NUMA1: variants seen among roughly 807,000 people sequenced by gnomAD.
The protein encoded by NUMA1 is nuclear mitotic apparatus protein 1.
In NUMA1, 62 loss-of-function variants were observed where a neutral mutation model predicts 237.1. The ratio of observed to expected loss-of-function variants is 0.26; its 90% CI spans 0.21 to 0.32. The LOEUF (loss-of-function observed/expected upper bound fraction) is 0.32, where lower values mean the gene tolerates loss of function less well. NUMA1 is among the 10% of genes least tolerant of loss of function. The pLI is 1.00. For missense variants in NUMA1, 2,533 were observed against 2,666.5 expected, an observed-to-expected ratio of 0.95 and a Z score of 1.10; for synonymous variants, 1,028 against 1,066.1, an observed-to-expected ratio of 0.96 and a Z score of 0.70.
chr11:72,049,560 A>AAATATATATATAT (rs1555034474), intron 2 of NUMA1: 3 of 41,002 alleles, frequency 7.3e-5, no homozygotes, highest in African/African-American at 2.5e-4. Context: ...AAATAATAAT[A>AAATATATATATAT]ATATATATAT....
intron 2 of NUMA1, among the ~76,000 whole-genome samples, chr11:72,048,128 G>A (rs1942104596): frequency 6.6e-6 from 1 of 151,924 alleles, no homozygotes; most frequent in South Asian, 2.1e-4. Flanking sequence ...ATGGAGTCTC[G>A]CTCTGTCGCC....
At chr11:72,006,715 C>A (rs1565189718) in intron 21 of NUMA1, among the ~76,000 whole-genome samples, 1 of 152,210 alleles carries the variant, frequency 6.6e-6, no homozygotes, top group Non-Finnish European at 1.5e-5. Flanking sequence ...TCCCCAACTT[C>A]TTGGTAGCAG....
At chr11:72,004,874 CTGGGGCTG>C in intron 23 of NUMA1, 58 bp from the exon 24 acceptor site, 1 of 1,479,474 alleles carries the variant, frequency 6.8e-7, no homozygotes, top group Non-Finnish European at 9.0e-7. Flanking sequence ...GGAGGAGGAC[CTGGGGCTG>C]TCCCAGAACT....
Position 72,076,283 on chromosome 11 carries a change from C to T in NUMA1, c.-103+4175G>A, listed in dbSNP as rs749022912. Among the ~76,000 whole-genome samples, 8 of 151,600 alleles carry T rather than the reference C, an allele frequency of 5.3e-5. No homozygotes were observed. In the East Asian group the frequency reaches 7.7e-4, roughly 15 times the overall value. On this transcript the variant is annotated intron_variant, in intron 1 of 26. Transcript: ENST00000393695. Reference sequence around the variant, plus strand: ...CAGCTACTTGGGAGGCTGAGGTGGGCGGACTGCTTGAGCCCAGGAGGCAGA... The same window carrying T: ...CAGCTACTTGGGAGGCTGAGGTGGGTGGACTGCTTGAGCCCAGGAGGCAGA...
chr11:72,016,222 T>C lies in NUMA1; in HGVS notation c.1281A>G (p.Ala427=). 6.2e-7 allele frequency: 1 copy of C among 1,603,244 alleles called. No individual in the cohort carries two copies. Among genetic ancestry groups the C allele is most frequent in the Non-Finnish European group, 8.5e-7 (1 of 1,171,588 alleles). ...CCCTGGCTTGGAGCTGTGTGTTGTTTGCAGCAAGAGTGGCTGCCTCTTGCT... is the reference window on the plus strand; with the variant it reads ...CCCTGGCTTGGAGCTGTGTGTTGTTCGCAGCAAGAGTGGCTGCCTCTTGCT... ...TLKQEAATLA[A]NNTQLQARVE... The change falls in exon 15 of 27, where the codon GCA becomes GCG. Residue 427 remains alanine (A), a synonymous_variant. Coordinates refer to ENST00000393695, the MANE Select transcript of NUMA1 (RefSeq NM_006185.4).
intron 2 of NUMA1, among the ~76,000 whole-genome samples, chr11:72,053,784 C>T (rs978029660): frequency 7.2e-5 from 11 of 152,150 alleles, no homozygotes; most frequent in East Asian, 5.8e-4. Context: ...TGTGTGGATT[C>T]AACCAACCTG....
intron 1 of NUMA1, among the ~76,000 whole-genome samples, chr11:72,075,359 C>T (rs1039887061): frequency 3.9e-5 from 6 of 152,164 alleles, no homozygotes; most frequent in African/African-American, 1.4e-4. Context: ...CTTCTTGTAG[C>T]CTGGTGTTTC....
At chr11:72,070,464 T>C (rs1213722126) in intron 1 of NUMA1, among the ~76,000 whole-genome samples, 1 of 152,136 alleles carries the variant, frequency 6.6e-6, no homozygotes. Flanking sequence ...CTTTCAATTA[T>C]CCAGGAGTGG....
In NUMA1 at chr11:72,017,659, T is replaced by C. The variant is rs771136277; in HGVS notation, c.1119+28A>G. ...TCAGCTTTGCACATGTGGTCAAGAC[T>C]GTGGCTGTGACCCCAGCAGAGGGTT... On this transcript the variant is annotated intron_variant, in intron 13 of 26. Coordinates refer to ENST00000393695, the MANE Select transcript of NUMA1 (RefSeq NM_006185.4). The C allele has an allele frequency of 6.8e-6, 11 of 1,611,490 alleles. No homozygotes were observed. The South Asian group carries it at 8.8e-5, about 13-fold the overall frequency.
chr11:72,055,108 A>T (rs1942566618), intron 2 of NUMA1, among the ~76,000 whole-genome samples: 1 of 152,186 alleles, frequency 6.6e-6, no homozygotes, highest in African/African-American at 2.4e-5. Context: ...AAAATGAGAC[A>T]GCAAAGGTGA....
At chr11:72,063,174 A>G (rs775817371) in intron 2 of NUMA1, among the ~76,000 whole-genome samples, 3 of 152,172 alleles carry the variant, frequency 2.0e-5, no homozygotes, top group Non-Finnish European at 4.4e-5. Flanking sequence ...GCTTGAGCCC[A>G]GGAGTTCAAG....
intron 4 of NUMA1, among the ~76,000 whole-genome samples, chr11:72,027,550 AG>A (rs1939741602): frequency 2.4e-5 from 1 of 41,008 alleles, no homozygotes; most frequent in Admixed American, 2.0e-4. Flanking sequence ...GATTTCTATA[AG>A]ATTAAAAAAA....
In NUMA1 at chr11:72,003,501, T is replaced by TG; in HGVS notation, c.*25dup. On this transcript the variant is annotated 3_prime_UTR_variant, in exon 27 of 27. Coordinates refer to ENST00000393695, the MANE Select transcript of NUMA1 (RefSeq NM_006185.4). ...GTGAGGTCAGCATCGGGGACACAGG[T>TG]GGGGCCACTCACTGGTACTGGCCCT... The TG allele has an allele frequency of 6.2e-7, 1 of 1,611,686 alleles. No individual in the cohort carries two copies. The highest frequency in any genetic ancestry group is 1.3e-5 in the African/African-American group (1 of 74,994).
At chr11:72,071,357 T>C (rs960902658) in intron 1 of NUMA1, among the ~76,000 whole-genome samples, 31 of 152,352 alleles carry the variant, frequency 2.0e-4, no homozygotes, top group Non-Finnish European at 4.0e-4. Context: ...AACTATTGTA[T>C]TAATCTATAT....
intron 24 of NUMA1, 143 bp downstream of exon 24, chr11:72,004,497 C>T (rs1005625595): frequency 8.3e-6 from 10 of 1,210,612 alleles, no homozygotes; most frequent in Non-Finnish European, 1.2e-5. Context: ...CCCAACAGTT[C>T]CCATCCATGG....
intron 22 of NUMA1, 148 bp downstream of exon 22, chr11:72,005,887 T>C (rs953855781): frequency 2.9e-6 from 2 of 691,056 alleles, no homozygotes; most frequent in African/African-American, 3.6e-5. Context: ...AGGAAGGCCC[T>C]GAGGCTGCAG....
At chr11:72,049,931 T>C (rs1942247222) in intron 2 of NUMA1, among the ~76,000 whole-genome samples, 1 of 152,066 alleles carries the variant, frequency 6.6e-6, no homozygotes, top group Non-Finnish European at 1.5e-5. Context: ...CTCCTCAGAA[T>C]CTGGTCAAAA....
chr11:72,017,369 G>A, intron 13 of NUMA1: 3 of 400,042 alleles, frequency 7.5e-6, no homozygotes, highest in Non-Finnish European at 9.5e-6. Context: ...GCAGCTACTC[G>A]TTACTACTCC....
chr11:72,077,467 A>C (rs992624679), intron 1 of NUMA1, among the ~76,000 whole-genome samples: 1 of 152,220 alleles, frequency 6.6e-6, no homozygotes, highest in Non-Finnish European at 1.5e-5. Context: ...AAACACTTTC[A>C]AAGTGCTAAG....
Sources: gnomAD v4.1 joint callset for allele counts (sites outside exome capture counted in the v4.1 genomes callset) on GRCh38, gnomAD v4.1.1 for gene constraint, MANE v1.5 for transcripts, NCBI Gene and HGNC (gene_info 2026-07-23, HGNC 2026-07-21) for gene names.